Variants in MAPT observed in about 807,000 individuals in gnomAD.
The protein encoded by MAPT is microtubule associated protein tau.
A neutral mutation model predicts 67.9 loss-of-function variants in MAPT; 34 were observed. The observed-to-expected ratio is 0.50, with a 90% confidence interval of 0.38 to 0.67. The LOEUF (loss-of-function observed/expected upper bound fraction) is 0.67, where lower values mean the gene tolerates loss of function less well. MAPT is among the 30% of genes least tolerant of loss of function. The probability of loss-of-function intolerance (pLI) is 0.00; values close to 1 mark genes in which losing one functional copy is unlikely to be tolerated. For synonymous variants in MAPT, 456 were observed against 464.5 expected (o/e 0.98, Z 0.23); for missense variants, 881 against 1,115.2 (o/e 0.79, Z 2.99).
Position 46,018,718 on chromosome 17 carries a change from A to T in MAPT, c.2274A>T (p.Gly758=). 6.2e-7 allele frequency: 1 copy of T among 1,613,518 alleles called. No individual in the cohort carries two copies. The highest frequency in any genetic ancestry group is 8.5e-7 in the Non-Finnish European group (1 of 1,179,418). Residue 758 remains glycine, a synonymous_variant, in exon 12 of 13, where the codon GGA becomes GGT. Transcript: ENST00000262410. The part of the protein sequence containing the change: ...SLDNITHVPG[G]GNKKIETHKL... ...ACAATATCACCCACGTCCCTGGCGG[A>T]GGAAATAAAAAGGTAAAGGGGGTAG... is the stretch of plus-strand genomic sequence containing the variant.
intron 1 of MAPT, among the ~76,000 whole-genome samples, chr17:45,928,759 G>A (rs1049952344): frequency 3.9e-5 from 6 of 152,082 alleles, no homozygotes; most frequent in Non-Finnish European, 8.8e-5. Context: ...GCAGTGGCGC[G>A]ATCTTGGCTC....
chr17:45,946,511 A>C (rs2068489845), intron 1 of MAPT, among the ~76,000 whole-genome samples: 1 of 149,552 alleles, frequency 6.7e-6, no homozygotes, highest in Non-Finnish European at 1.5e-5. Flanking sequence ...AGGCAGGAGA[A>C]TTGCTTGAAC....
chr17:45,902,198 C>G (rs560295328), intron 1 of MAPT, among the ~76,000 whole-genome samples: 1 of 152,080 alleles, frequency 6.6e-6, no homozygotes, highest in Non-Finnish European at 1.5e-5. Context: ...CAGCCTCCGC[C>G]GTAGCCGGGA....
intron 8 of MAPT, among the ~76,000 whole-genome samples, chr17:45,992,531 C>G (rs1187680758): frequency 3.3e-5 from 5 of 152,116 alleles, no homozygotes; most frequent in African/African-American, 9.7e-5. Context: ...GTGAGTAAAA[C>G]CCAGTCAATT....
At chr17:46,001,716 T>G (rs1353593146) in intron 9 of MAPT, among the ~76,000 whole-genome samples, 1 of 152,208 alleles carries the variant, frequency 6.6e-6, no homozygotes, top group African/African-American at 2.4e-5. Flanking sequence ...ATTCATTCAT[T>G]CAGACAACAT....
At chr17:45,941,494 G>A (rs1568206496) in intron 1 of MAPT, among the ~76,000 whole-genome samples, 1 of 151,802 alleles carries the variant, frequency 6.6e-6, no homozygotes, top group Non-Finnish European at 1.5e-5. Context: ...CCCCAGGGGT[G>A]TAGAGTTTTG....
intron 12 of MAPT, among the ~76,000 whole-genome samples, chr17:46,020,535 G>T (rs557472370): frequency 6.6e-6 from 1 of 152,186 alleles, no homozygotes. Flanking sequence ...TTTTCACGCC[G>T]CTGATGAAGA....
intron 1 of MAPT, among the ~76,000 whole-genome samples, chr17:45,931,413 C>CA (rs1448467966): frequency 2.0e-5 from 3 of 151,908 alleles, no homozygotes; most frequent in East Asian, 1.9e-4. Flanking sequence ...TATTATACTA[C>CA]AAAAAAGGGA....
At chr17:45,926,047 C>T (rs1184188236) in intron 1 of MAPT, among the ~76,000 whole-genome samples, 1 of 151,852 alleles carries the variant, frequency 6.6e-6, no homozygotes, top group Non-Finnish European at 1.5e-5. Context: ...CCCATCTCTA[C>T]TAAAAATAAA....
At chr17:45,968,606 G>A (rs1330342561) in intron 2 of MAPT, among the ~76,000 whole-genome samples, 2 of 152,176 alleles carry the variant, frequency 1.3e-5, no homozygotes, top group Non-Finnish European at 2.9e-5. Context: ...CGTGATGCTT[G>A]ACTTTTCCTC....
At chr17:45,913,339 G>A (rs187981460) in intron 1 of MAPT, among the ~76,000 whole-genome samples, 34 of 152,284 alleles carry the variant, frequency 2.2e-4, no homozygotes, top group Admixed American at 2.0e-3. Context: ...GAAAAGACCT[G>A]CCCCCATGAT....
intron 1 of MAPT, among the ~76,000 whole-genome samples, chr17:45,961,175 A>G (rs1370396191): frequency 6.6e-6 from 1 of 152,236 alleles, no homozygotes; most frequent in Non-Finnish European, 1.5e-5. Flanking sequence ...TATCTCAAAA[A>G]AAAAAAAGTT....
At chr17:45,988,014 T>C (rs2073732365) in intron 6 of MAPT, among the ~76,000 whole-genome samples, 1 of 152,030 alleles carries the variant, frequency 6.6e-6, no homozygotes, top group South Asian at 2.1e-4. Context: ...TTGCCCAGAG[T>C]CTAGGGAGGG....
In MAPT at chr17:45,906,969, A is replaced by G. The variant is rs544990685; in HGVS notation, c.-18+12283A>G. Among the ~76,000 whole-genome samples the G allele has an allele frequency of 6.6e-6, 1 of 152,248 alleles. No individual in the cohort carries two copies. The highest frequency in any genetic ancestry group is 2.4e-5 in the African/African-American group (1 of 41,532). Reference sequence around the variant, plus strand: ...TCGGATCCTTATGGAAACAATAATGAGTTGTTCCCTGTTTCAATTCCAAAA... The same window carrying G: ...TCGGATCCTTATGGAAACAATAATGGGTTGTTCCCTGTTTCAATTCCAAAA... On this transcript the variant is annotated intron_variant, in intron 1 of 12. Transcript: ENST00000262410. This position sits in a 1 kb window ranked among gnomAD's most constrained non-coding sequence, Gnocchi z 4.3.
chr17:45,983,180 C>A lies in MAPT; in HGVS notation c.601C>A (p.Pro201Thr), dbSNP rs776821664. Residue 201 changes from proline (P) to threonine (T), a missense_variant, in exon 5 of 13, where the codon CCT becomes ACT. Pro to Thr is a conservative substitution (Grantham distance 38). Transcript: ENST00000262410. ...CACCACTGCGTATCTCCACACAGAGCCTGAAAGTGGTAAGGTGGTCCAGGA... is the reference window on the plus strand; with the variant it reads ...CACCACTGCGTATCTCCACACAGAGACTGAAAGTGGTAAGGTGGTCCAGGA... ...PATTAYLHTEPESGKVVQEGF... is the reference protein window; with the variant it reads ...PATTAYLHTETESGKVVQEGF... The A allele has an allele frequency of 3.1e-6, 5 of 1,608,246 alleles. No individual in the cohort carries two copies. The highest frequency in any genetic ancestry group is 3.4e-6 in the Non-Finnish European group (4 of 1,177,632).
At chr17:46,012,122 G>A (rs766119854) in intron 10 of MAPT, among the ~76,000 whole-genome samples, 3 of 152,174 alleles carry the variant, frequency 2.0e-5, no homozygotes, top group Admixed American at 6.5e-5. Flanking sequence ...AAGTGAGCTC[G>A]GCCAGAGGAG....
intron 1 of MAPT, among the ~76,000 whole-genome samples, chr17:45,958,628 G>A (rs2070008682): frequency 6.6e-6 from 1 of 152,026 alleles, no homozygotes; most frequent in Admixed American, 6.6e-5. Context: ...GGCTGAGGTG[G>A]GTGGATCACT....
Position 46,014,326 on chromosome 17 carries a change from T to C in MAPT, c.2173+2T>C. On this transcript the variant is annotated splice_donor_variant, in intron 11 of 12. Transcript: ENST00000262410. LOFTEE classifies it high-confidence loss of function. ...TAGGCAACATCCATCATAAACCAGG[T>C]AGCCCTGTGGAAGGTGAGGGTTGGG... 2 of 1,611,460 alleles carry C rather than the reference T, an allele frequency of 1.2e-6. No individual in the cohort carries two copies. Among genetic ancestry groups the C allele is most frequent in the Non-Finnish European group, 1.7e-6 (2 of 1,177,678 alleles).
intron 6 of MAPT, among the ~76,000 whole-genome samples, chr17:45,988,209 TA>T (rs1246637968): frequency 6.6e-6 from 1 of 152,134 alleles, no homozygotes; most frequent in Admixed American, 6.5e-5. Flanking sequence ...GGGTCCTCCT[TA>T]CCAAGCCTGA....
Sources: allele counts gnomAD v4.1 joint callset (sites outside exome capture counted in the v4.1 genomes callset), GRCh38; gene constraint gnomAD v4.1.1; non-coding constraint Gnocchi (gnomAD v3.1); transcripts MANE v1.5; gene names NCBI Gene and HGNC (gene_info 2026-07-23, HGNC 2026-07-21).